Variants in SLC8A1 observed in about 807,000 individuals in gnomAD.
SLC8A1 encodes the protein sodium/calcium exchanger 1.
SLC8A1 carries 18 observed loss-of-function variants against 68.3 expected under a neutral mutation model. The ratio of observed to expected loss-of-function variants is 0.26; its 90% CI spans 0.18 to 0.39. The LOEUF (loss-of-function observed/expected upper bound fraction) is 0.39, where lower values mean the gene tolerates loss of function less well. SLC8A1 is among the 10% of genes least tolerant of loss of function. The pLI, the probability that SLC8A1 is intolerant of heterozygous loss-of-function variation, is 1.00. For synonymous variants in SLC8A1, 475 were observed against 415.5 expected (o/e 1.14, Z -1.74); for missense variants, 985 against 1,156.7 (o/e 0.85, Z 2.15).
At chr2:40,340,081 T>C (rs940574287) in intron 2 of SLC8A1, among the ~76,000 whole-genome samples, 12 of 152,196 alleles carry the variant, frequency 7.9e-5, no homozygotes, top group Non-Finnish European at 5.9e-5. Flanking sequence ...CCAACGGTCA[T>C]TGTAGCTCAT....
chr2:40,394,456 C>T lies in SLC8A1; in HGVS notation c.1808+34017G>A, dbSNP rs199872176. 1.4e-3 allele frequency among the ~76,000 whole-genome samples: 209 copies of T among 150,502 alleles called. 3 individuals are homozygous for T. The East Asian group carries it at 0.031, about 23-fold the overall frequency. The stretch of plus-strand genomic sequence containing the variant: ...GTTTTTCTGTTAGTGTGTGTGTGTG[C>T]GTGTGTGTGTGGTGTGTGAGTGAAT... On this transcript the variant is annotated intron_variant, in intron 2 of 7. Coordinates refer to ENST00000406785, the Ensembl canonical transcript of SLC8A1.
At chr2:40,101,427 C>T (rs1220395461) in exon 8 of SLC8A1, 1 of 152,068 alleles carries the variant, frequency 6.6e-6, no homozygotes, top group Admixed American at 6.6e-5. Context: ...CAGAGCTAAT[C>T]AGTTAGAGAA....
At chr2:40,454,145 G>C (rs1425728659), upstream of SLC8A1, among the ~76,000 whole-genome samples, 2 of 152,144 alleles carry the variant, frequency 1.3e-5, no homozygotes, top group East Asian at 3.8e-4. Context: ...GTGAGTAGCA[G>C]ATATTTGGCT....
chr2:40,178,577 C>A, intron 2 of SLC8A1, 84 bp from the exon 3 acceptor site: 2 of 1,133,242 alleles, frequency 1.8e-6, no homozygotes, highest in Non-Finnish European at 1.3e-6. Context: ...GCAAGGTTAA[C>A]CAGCTGCACT....
At chr2:40,172,205 G>C (rs1250628066) in intron 4 of SLC8A1, among the ~76,000 whole-genome samples, 1 of 152,168 alleles carries the variant, frequency 6.6e-6, no homozygotes, top group African/African-American at 2.4e-5. Context: ...ACTGTCCTCA[G>C]GAGCATCAGT....
chr2:40,174,132 A>C lies in SLC8A1; in HGVS notation c.1930+693T>G, dbSNP rs570438926. On this transcript the variant is annotated intron_variant, in intron 4 of 7. Coordinates refer to ENST00000406785, the Ensembl canonical transcript of SLC8A1. ...ACCATGTTATTAATACTAAAACCTA[A>C]GTCCCCAGAGAAACCCTCAGATTGG... Among the ~76,000 whole-genome samples the C allele has an allele frequency of 7.9e-5, 12 of 152,246 alleles. No homozygotes were observed. The South Asian group carries it at 2.5e-3, about 32-fold the overall frequency.
At chr2:40,454,832 G>T (rs1702907924), upstream of SLC8A1, among the ~76,000 whole-genome samples, 1 of 152,192 alleles carries the variant, frequency 6.6e-6, no homozygotes, top group Non-Finnish European at 1.5e-5. Context: ...AATTATCAAA[G>T]GCTGCATCAC....
intron 2 of SLC8A1, among the ~76,000 whole-genome samples, chr2:40,302,624 C>A (rs1259251300): frequency 6.6e-6 from 1 of 150,426 alleles, no homozygotes; most frequent in African/African-American, 2.4e-5. Context: ...AAAACAATTT[C>A]TTTATGCACT....
At chr2:40,275,381 A>G (rs1217204805) in intron 2 of SLC8A1, among the ~76,000 whole-genome samples, 3 of 152,248 alleles carry the variant, frequency 2.0e-5, no homozygotes, top group South Asian at 2.1e-4. Flanking sequence ...GCTGTTAACT[A>G]CAAGTGTCAC....
intron 2 of SLC8A1, among the ~76,000 whole-genome samples, chr2:40,294,609 TCAAC>T (rs1027074541): frequency 1.1e-4 from 17 of 152,148 alleles, no homozygotes; most frequent in African/African-American, 4.1e-4. Flanking sequence ...AAGAATCTGT[TCAAC>T]CAAGCGTAGT....
chr2:40,147,071 C>T (rs1418702117), intron 6 of SLC8A1, among the ~76,000 whole-genome samples: 1 of 152,146 alleles, frequency 6.6e-6, no homozygotes, highest in African/African-American at 2.4e-5. Flanking sequence ...TAACATAGCA[C>T]AAGAAATATT....
rs556980664 is a variant in SLC8A1 at position 40,139,352 on chromosome 2, C to T, written c.2437+49G>A. On this transcript the variant is annotated intron_variant, in intron 7 of 7. Coordinates refer to ENST00000406785, the Ensembl canonical transcript of SLC8A1. ...TGTAGGAAAGAAAGTGTCAAGAAGG[C>T]AAATGAACTTCTGCTACTGGGGGAA... 1.9e-5 allele frequency: 30 copies of T among 1,597,872 alleles called. No individual in the cohort carries two copies. The South Asian group carries it at 2.9e-4, about 16-fold the overall frequency.
exon 8 of SLC8A1, chr2:40,098,372 T>C (rs189617208): frequency 1.2e-3 from 184 of 152,170 alleles, no homozygotes; most frequent in African/African-American, 4.3e-3. Context: ...ATATTTGAAA[T>C]GGCTAGTTCT....
intron 7 of SLC8A1, among the ~76,000 whole-genome samples, chr2:40,137,097 T>G (rs974979985): frequency 6.6e-6 from 1 of 152,180 alleles, no homozygotes; most frequent in Non-Finnish European, 1.5e-5. Context: ...GCAGAACAAG[T>G]GACTCCTCTA....
At chr2:40,174,394 C>T (rs1441484448) in intron 4 of SLC8A1, among the ~76,000 whole-genome samples, 1 of 152,086 alleles carries the variant, frequency 6.6e-6, no homozygotes, top group Non-Finnish European at 1.5e-5. Context: ...TTCTCTGAGG[C>T]TAGCAATTGT....
At chr2:40,222,346 A>C (rs1218870316) in intron 2 of SLC8A1, among the ~76,000 whole-genome samples, 5 of 152,092 alleles carry the variant, frequency 3.3e-5, no homozygotes, top group African/African-American at 1.2e-4. Context: ...AAACTGGACC[A>C]CTTCCTTATA....
chr2:40,350,204 G>A (rs1385611677), intron 2 of SLC8A1, among the ~76,000 whole-genome samples: 1 of 152,250 alleles, frequency 6.6e-6, no homozygotes, highest in East Asian at 1.9e-4. Flanking sequence ...TTTATCAGCT[G>A]GGTATGGTGG....
chr2:40,307,899 C>G (rs2072962277), intron 2 of SLC8A1, among the ~76,000 whole-genome samples: 1 of 151,928 alleles, frequency 6.6e-6, no homozygotes, highest in South Asian at 2.1e-4. Context: ...ATGTAACATT[C>G]TAAATAGCCA....
intron 2 of SLC8A1, among the ~76,000 whole-genome samples, chr2:40,383,230 T>G (rs1409352099): frequency 6.6e-6 from 1 of 152,150 alleles, no homozygotes; most frequent in East Asian, 1.9e-4. Flanking sequence ...CACATTTTTT[T>G]GAAATTTGGA....
Sources: allele counts gnomAD v4.1 joint callset (sites outside exome capture counted in the v4.1 genomes callset), GRCh38; gene constraint gnomAD v4.1.1; transcripts MANE v1.5; gene names NCBI Gene and HGNC (gene_info 2026-07-23, HGNC 2026-07-21).